Variants in RFX3 observed in about 807,000 individuals in gnomAD.
The protein encoded by RFX3 is regulatory factor X3.
In RFX3, 14 loss-of-function variants were observed where a neutral mutation model predicts 98.6. That is an observed-to-expected ratio of 0.14 (90% CI 0.09 to 0.22). The LOEUF (loss-of-function observed/expected upper bound fraction) is 0.22, where lower values mean the gene tolerates loss of function less well. Ranked by LOEUF, RFX3 falls within the 10% of genes least tolerant of loss-of-function variation. RFX3 has a pLI of 1.00. For synonymous variants in RFX3, 383 were observed against 328.4 expected (o/e 1.17, Z -1.80); for missense variants, 639 against 926.9 (o/e 0.69, Z 4.03).
At chr9:3,415,586 CTCT>C (rs560596584) in intron 1 of RFX3, among the ~76,000 whole-genome samples, 343 of 152,208 alleles carry the variant, frequency 2.3e-3, no homozygotes, top group African/African-American at 8.0e-3. Flanking sequence ...CCTTGGCTAT[CTCT>C]TCTTTCTTCT....
At chr9:3,329,460 T>G (rs1408983642) in intron 4 of RFX3, among the ~76,000 whole-genome samples, 2 of 148,450 alleles carry the variant, frequency 1.3e-5, no homozygotes, top group Admixed American at 6.7e-5. Context: ...CCCACTGTGT[T>G]AAAATAATCT....
intron 1 of RFX3, among the ~76,000 whole-genome samples, chr9:3,442,088 T>C (rs1845655238): frequency 6.6e-6 from 1 of 152,026 alleles, no homozygotes; most frequent in Admixed American, 6.5e-5. Flanking sequence ...TAATCCCAGC[T>C]ACTTGGGAGG....
At chr9:3,317,413 G>A (rs541821843) in intron 4 of RFX3, among the ~76,000 whole-genome samples, 4 of 152,012 alleles carry the variant, frequency 2.6e-5, no homozygotes, top group African/African-American at 9.7e-5. Flanking sequence ...AACTGTAAAA[G>A]CCCTAGAAGA....
At chr9:3,401,838 T>C (rs974570242) in intron 1 of RFX3, among the ~76,000 whole-genome samples, 2 of 152,100 alleles carry the variant, frequency 1.3e-5, no homozygotes, top group African/African-American at 4.8e-5. Context: ...TACAGCTAAA[T>C]AGGCCACATT....
chr9:3,273,030 C>T (rs964163248), intron 9 of RFX3, among the ~76,000 whole-genome samples: 1 of 152,158 alleles, frequency 6.6e-6, no homozygotes, highest in African/African-American at 2.4e-5. Flanking sequence ...ACATTCATAT[C>T]AGCTTCATTT....
At chr9:3,348,144 C>A (rs1310909241) in intron 2 of RFX3, among the ~76,000 whole-genome samples, 1 of 152,130 alleles carries the variant, frequency 6.6e-6, no homozygotes, top group Non-Finnish European at 1.5e-5. Flanking sequence ...ATTCAAGAAA[C>A]TGGGTCATTT....
At chr9:3,241,676 T>C (rs1040366640) in intron 15 of RFX3, among the ~76,000 whole-genome samples, 4 of 152,196 alleles carry the variant, frequency 2.6e-5, no homozygotes, top group Non-Finnish European at 5.9e-5. Flanking sequence ...GATGAGCAGA[T>C]TTACAACTAA....
rs142870151 is a variant in RFX3 at position 3,395,680 on chromosome 9, A to C, written c.-8-84T>G. The C allele has an allele frequency of 3.0e-4, 425 of 1,406,748 alleles. 2 individuals carry two copies. The East Asian group carries it at 7.4e-3, about 24-fold the overall frequency. 87.1% of individuals were successfully genotyped at this position (1,406,748 alleles called of 1,614,324 possible). ...CTTACAATTGTTCTTAAAATCCTATACTGAAACTAACTTTCAACTCTCATA... is the reference window on the plus strand; with the variant it reads ...CTTACAATTGTTCTTAAAATCCTATCCTGAAACTAACTTTCAACTCTCATA... On this transcript the variant is annotated intron_variant, in intron 1 of 16. Transcript: ENST00000617270.
intron 1 of RFX3, among the ~76,000 whole-genome samples, chr9:3,443,597 G>A (rs962117617): frequency 7.2e-5 from 11 of 152,224 alleles, no homozygotes; most frequent in African/African-American, 2.4e-4. Flanking sequence ...TCTTTATCCA[G>A]TCTATCATTG....
chr9:3,395,813 A>C (rs1840799772), intron 1 of RFX3, among the ~76,000 whole-genome samples: 1 of 152,048 alleles, frequency 6.6e-6, no homozygotes, highest in Admixed American at 6.5e-5. Context: ...TCCCATTAGC[A>C]CCTCTTATCC....
intron 4 of RFX3, among the ~76,000 whole-genome samples, chr9:3,325,896 A>T (rs1351483802): frequency 6.6e-6 from 1 of 152,150 alleles, no homozygotes; most frequent in Non-Finnish European, 1.5e-5. Flanking sequence ...GGGAAATATT[A>T]TGTTGATATA....
intron 1 of RFX3, among the ~76,000 whole-genome samples, chr9:3,483,966 A>T (rs1260568362): frequency 6.6e-6 from 1 of 152,170 alleles, no homozygotes; most frequent in Non-Finnish European, 1.5e-5. Context: ...ATATTACACA[A>T]CTCAAAATTT....
rs377688745 is a variant in RFX3, at chr9:3,456,915, G to T, written c.-8-61319C>A. Among the ~76,000 whole-genome samples, 298 of 152,054 alleles carry T rather than the reference G, an allele frequency of 2.0e-3. 1 individual carries two copies. Among genetic ancestry groups the T allele is most frequent in the African/African-American group, 6.7e-3 (279 of 41,464 alleles). Reference sequence around the variant, plus strand: ...TGTAATCCCAGCACTCTGGGAGGCTGAGGCGGGTGGATCATGAGGTCAAGA... The same window carrying T: ...TGTAATCCCAGCACTCTGGGAGGCTTAGGCGGGTGGATCATGAGGTCAAGA... On this transcript the variant is annotated intron_variant, in intron 1 of 16. Transcript: ENST00000617270.
chr9:3,338,875 G>C (rs1187561456), intron 3 of RFX3, among the ~76,000 whole-genome samples: 1 of 152,082 alleles, frequency 6.6e-6, no homozygotes, highest in Non-Finnish European at 1.5e-5. Context: ...AGATCACAAG[G>C]TCAGGAGTTC....
At chr9:3,235,136 G>C (rs541429833) in intron 15 of RFX3, among the ~76,000 whole-genome samples, 1 of 152,350 alleles carries the variant, frequency 6.6e-6, no homozygotes, top group South Asian at 2.1e-4. Flanking sequence ...TGCAAGACAA[G>C]AGATTAGGGA....
intron 1 of RFX3, among the ~76,000 whole-genome samples, chr9:3,487,004 C>T (rs1229800013): frequency 6.6e-6 from 1 of 152,050 alleles, no homozygotes; most frequent in Non-Finnish European, 1.5e-5. Context: ...CTCATAAATG[C>T]TATCATAACC....
At chr9:3,438,744 T>A (rs1305090258) in intron 1 of RFX3, among the ~76,000 whole-genome samples, 1 of 151,966 alleles carries the variant, frequency 6.6e-6, no homozygotes, top group Non-Finnish European at 1.5e-5. Flanking sequence ...CTATACTGTA[T>A]CAGAAAGAAA....
rs1449370176 is a variant in RFX3, at chr9:3,319,873, G to GATTCTCA, written c.474+10379_474+10385dup. Among the ~76,000 whole-genome samples the GATTCTCA allele has an allele frequency of 5.4e-5, 8 of 148,084 alleles. No homozygotes were observed. In the East Asian group the frequency reaches 1.4e-3, roughly 25 times the overall value. On this transcript the variant is annotated intron_variant, in intron 4 of 16. Coordinates refer to ENST00000617270, the MANE Select transcript of RFX3 (RefSeq NM_001282116.2). Reference sequence around the variant, plus strand: ...TGACCGAAAAAAAAAAAAAAACTCAGATTCTCAATACATAAATACAAATAC... The same window carrying GATTCTCA: ...TGACCGAAAAAAAAAAAAAAACTCAGATTCTCAATTCTCAATACATAAATACAAATAC...
intron 15 of RFX3, among the ~76,000 whole-genome samples, chr9:3,232,318 C>T (rs576267884): frequency 4.6e-5 from 7 of 152,136 alleles, no homozygotes; most frequent in Non-Finnish European, 8.8e-5. Flanking sequence ...AAACAGACTG[C>T]GAGTGTCACA....
Sources: gnomAD v4.1 joint callset for allele counts (sites outside exome capture counted in the v4.1 genomes callset) on GRCh38, gnomAD v4.1.1 for gene constraint, MANE v1.5 for transcripts, NCBI Gene and HGNC (gene_info 2026-07-23, HGNC 2026-07-21) for gene names.